ADGRL2: variants seen among roughly 807,000 people sequenced by gnomAD.
ADGRL2 encodes calcium-independent alpha-latrotoxin receptor 2.
ADGRL2 carries 44 observed loss-of-function variants against 157.4 expected under a neutral mutation model. The observed-to-expected ratio is 0.28, with a 90% CI of 0.22 to 0.36. The LOEUF is 0.36. ADGRL2 is among the 10% of genes least tolerant of loss of function. ADGRL2 has a pLI of 1.00. For missense variants in ADGRL2, 1,510 were observed against 1,768.9 expected (o/e 0.85, Z 2.63); for synonymous variants, 585 against 624.7 (o/e 0.94, Z 0.95).
At chr1:81,906,977 A>AT in intron 2 of ADGRL2, 40 bp from the exon 3 acceptor site, 1 of 1,461,804 alleles carries the variant, frequency 6.8e-7, no homozygotes, top group Non-Finnish European at 9.5e-7. Flanking sequence ...TTATCTTATA[A>AT]ATGAGTTACA....
At chr1:81,946,615 T>C (rs912784190) in intron 6 of ADGRL2, among the ~76,000 whole-genome samples, 12 of 152,266 alleles carry the variant, frequency 7.9e-5, no homozygotes, top group Admixed American at 4.6e-4. Context: ...CCTCAACATT[T>C]GGGTTAGACT....
chr1:81,384,783 C>T (rs1303130010), intron 1 of ADGRL2, among the ~76,000 whole-genome samples: 2 of 152,086 alleles, frequency 1.3e-5, no homozygotes, highest in Admixed American at 1.3e-4. Flanking sequence ...GAAAATGTGA[C>T]TGAGAAAGGC....
chr1:81,357,919 C>G (rs527719471), intron 1 of ADGRL2, among the ~76,000 whole-genome samples: 1 of 152,186 alleles, frequency 6.6e-6, no homozygotes, highest in South Asian at 2.1e-4. Context: ...GCTCAGAATG[C>G]TGTTATGGAA....
At chr1:81,722,004 G>A in intron 1 of ADGRL2, 1 of 511,928 alleles carries the variant, frequency 2.0e-6, no homozygotes, top group South Asian at 1.6e-5. Flanking sequence ...TGAAAATGCA[G>A]AGATAGGACC....
At chr1:81,589,454 C>T (rs756940872) in intron 3 of ADGRL2, among the ~76,000 whole-genome samples, 5 of 152,154 alleles carry the variant, frequency 3.3e-5, no homozygotes, top group South Asian at 2.1e-4. Context: ...AAAAATAACA[C>T]ATTTGCCAGA....
At chr1:81,559,377 G>A (rs1225626179) in intron 2 of ADGRL2, among the ~76,000 whole-genome samples, 4 of 151,702 alleles carry the variant, frequency 2.6e-5, no homozygotes, top group African/African-American at 9.7e-5. Flanking sequence ...TGAAGAATTG[G>A]TATCATGTAC....
At chr1:81,372,788 T>C (rs577627058) in intron 1 of ADGRL2, among the ~76,000 whole-genome samples, 1 of 152,358 alleles carries the variant, frequency 6.6e-6, no homozygotes, top group African/African-American at 2.4e-5. Flanking sequence ...TCTACTTATA[T>C]GTCTGACCCA....
chr1:81,952,926 T>C (rs1233682043), intron 9 of ADGRL2, 61 bp from the exon 10 acceptor site: 4 of 1,326,758 alleles, frequency 3.0e-6, no homozygotes, highest in Non-Finnish European at 4.3e-6. Context: ...GGATTTCTTC[T>C]TTCCTCATTT....
chr1:81,939,683 ATGTAT>A (rs1052030427), intron 4 of ADGRL2, among the ~76,000 whole-genome samples: 51 of 151,614 alleles, frequency 3.4e-4, no homozygotes, highest in African/African-American at 8.4e-4. Context: ...AGAAAAGTAA[ATGTAT>A]TGTTAATTCA....
In ADGRL2 at chr1:81,502,553, G is replaced by T. The variant is rs139168792; in HGVS notation, c.-248+57464G>T. 1.3e-4 allele frequency: 217 copies of T among 1,614,080 alleles called. 1 individual carries two copies. The African/African-American group carries it at 2.2e-3, about 17-fold the overall frequency. Reference sequence around the variant, plus strand: ...GTACATGCTGTATAAGCTGGTGACCGAGAAGGGGGGCCTGGTGGAGATCAT... The same window carrying T: ...GTACATGCTGTATAAGCTGGTGACCTAGAAGGGGGGCCTGGTGGAGATCAT... On this transcript the variant is annotated intron_variant, in intron 2 of 24. Transcript: ENST00000370721.
intron 2 of ADGRL2, among the ~76,000 whole-genome samples, chr1:81,577,923 C>T (rs1317695280): frequency 1.3e-5 from 2 of 152,112 alleles, no homozygotes; most frequent in Non-Finnish European, 2.9e-5. Flanking sequence ...AGAAAAGGTG[C>T]AAACCATTAG....
intron 2 of ADGRL2, among the ~76,000 whole-genome samples, chr1:81,543,491 T>C (rs2079939827): frequency 6.6e-6 from 1 of 152,248 alleles, no homozygotes; most frequent in Non-Finnish European, 1.5e-5. Context: ...AGTATGTTGT[T>C]AAAGCGGTAT....
chr1:81,723,135 G>A (rs1218089431), intron 1 of ADGRL2: 39 of 639,298 alleles, frequency 6.1e-5, no homozygotes, highest in East Asian at 8.0e-5. Context: ...TATGGATGTC[G>A]CAATAATACA....
intron 2 of ADGRL2, among the ~76,000 whole-genome samples, chr1:81,451,570 T>C (rs1249653482): frequency 6.6e-6 from 1 of 152,216 alleles, no homozygotes; most frequent in Non-Finnish European, 1.5e-5. Flanking sequence ...TTTATCCTGC[T>C]TTCTTTTCTC....
intron 2 of ADGRL2, among the ~76,000 whole-genome samples, chr1:81,879,602 A>G (rs2093934309): frequency 6.6e-6 from 1 of 152,054 alleles, no homozygotes; most frequent in South Asian, 2.1e-4. Flanking sequence ...TTATAATATT[A>G]TTTATTCTTC....
chr1:81,768,945 C>T (rs1031813782), intron 2 of ADGRL2, among the ~76,000 whole-genome samples: 2 of 152,038 alleles, frequency 1.3e-5, no homozygotes, highest in Admixed American at 6.6e-5. Context: ...ATTAGCCGGG[C>T]GCACTGGTGT....
At chr1:81,966,702 G>A (rs921167534) in intron 13 of ADGRL2, 93 bp downstream of exon 13, 5 of 1,051,304 alleles carry the variant, frequency 4.8e-6, no homozygotes, top group Non-Finnish European at 7.3e-6. Flanking sequence ...GGAGAGAACT[G>A]GGGAGATGGG....
At chr1:81,965,568 T>C (rs1404193745) in intron 11 of ADGRL2, among the ~76,000 whole-genome samples, 1 of 152,178 alleles carries the variant, frequency 6.6e-6, no homozygotes, top group African/African-American at 2.4e-5. Context: ...TTAAAGTGGA[T>C]CATAGATAGA....
At chr1:81,423,345 A>AGCTG (rs1374906529) in intron 1 of ADGRL2, among the ~76,000 whole-genome samples, 1 of 152,210 alleles carries the variant, frequency 6.6e-6, no homozygotes, top group African/African-American at 2.4e-5. Context: ...GGGTGAATGG[A>AGCTG]GCTGGCAGGC....
Sources: allele counts gnomAD v4.1 joint callset (sites outside exome capture counted in the v4.1 genomes callset), GRCh38; gene constraint gnomAD v4.1.1; transcripts MANE v1.5; gene names NCBI Gene and HGNC (gene_info 2026-07-23, HGNC 2026-07-21).